RAD50: variants seen among roughly 807,000 people sequenced by gnomAD.
RAD50 encodes DNA repair protein RAD50.
In RAD50, 132 loss-of-function variants were observed where a neutral mutation model predicts 168.8. That is an observed-to-expected ratio of 0.78 (90% CI 0.68 to 0.90). The LOEUF (loss-of-function observed/expected upper bound fraction) is 0.90, where lower values mean the gene tolerates loss of function less well. Ranked by LOEUF, RAD50 falls within the 40% of genes least tolerant of loss-of-function variation. The probability of loss-of-function intolerance (pLI) is 0.00; values close to 1 mark genes in which losing one functional copy is unlikely to be tolerated. For missense variants in RAD50, 1,347 were observed against 1,534.4 expected, an observed-to-expected ratio of 0.88 and a Z score of 2.04; for synonymous variants, 525 against 497.4, an observed-to-expected ratio of 1.06 and a Z score of -0.74.
intron 21 of RAD50, 72 bp downstream of exon 21, chr5:132,618,366 AT>A (rs1751216739): frequency 6.4e-7 from 1 of 1,574,120 alleles, no homozygotes; most frequent in Non-Finnish European, 8.6e-7. Context: ...CTTTTCTCTC[AT>A]TTTTTTCTTT....
In RAD50 at chr5:132,591,940, T is replaced by C. The variant is rs1331004406; in HGVS notation, c.1699T>C (p.Leu567=). Residue 567 remains leucine (L), a synonymous_variant, in exon 11 of 25, where the codon TTG becomes CTG. Coordinates refer to ENST00000378823, the MANE Select transcript of RAD50 (RefSeq NM_005732.4). ...GCACAGTGATGAATTAACCTCACTG[T>C]TGGGATATTTTCCCAACAAAAAACA... ...SRHSDELTSL[L]GYFPNKKQLE... is the part of the protein sequence containing the mutation. 6.2e-7 allele frequency: 1 copy of C among 1,609,604 alleles called. No individual in the cohort carries two copies. The highest frequency in any genetic ancestry group is 8.5e-7 in the Non-Finnish European group (1 of 1,176,160).
intron 11 of RAD50, among the ~76,000 whole-genome samples, 155 bp from the exon 12 acceptor site, chr5:132,594,714 G>A (rs1750758199): frequency 6.6e-6 from 1 of 152,158 alleles, no homozygotes; most frequent in African/African-American, 2.4e-5. Context: ...TAAGGCAGAA[G>A]TGGACTAGTC....
At chr5:132,577,021 A>G (rs1310532784) in intron 3 of RAD50, among the ~76,000 whole-genome samples, 1 of 152,248 alleles carries the variant, frequency 6.6e-6, no homozygotes, top group Non-Finnish European at 1.5e-5. Context: ...ACTTAGTGCT[A>G]TAAACAATAC....
chr5:132,638,657 A>G (rs1751647376), intron 23 of RAD50, among the ~76,000 whole-genome samples: 1 of 152,236 alleles, frequency 6.6e-6, no homozygotes, highest in Admixed American at 6.5e-5. Flanking sequence ...AGCTTAAGCT[A>G]GAATGAATAT....
chr5:132,595,835 G>C (rs749038794), intron 13 of RAD50, 25 bp downstream of exon 13: 1 of 1,554,290 alleles, frequency 6.4e-7, no homozygotes. Context: ...TACCTTCACT[G>C]TACATGTAGC....
chr5:132,592,951 C>T (rs1750730632), intron 11 of RAD50: 1 of 464,580 alleles, frequency 2.2e-6, no homozygotes, highest in Non-Finnish European at 4.5e-6. Flanking sequence ...AATTGTGTAA[C>T]CTGAATCAAT....
intron 13 of RAD50, among the ~76,000 whole-genome samples, chr5:132,599,321 A>G (rs1750846223): frequency 6.6e-6 from 1 of 152,128 alleles, no homozygotes; most frequent in Non-Finnish European, 1.5e-5. Context: ...TGAGGAAACC[A>G]TTTTTATAAA....
At chr5:132,596,104 A>T (rs1750788160) in intron 13 of RAD50, among the ~76,000 whole-genome samples, 1 of 151,362 alleles carries the variant, frequency 6.6e-6, no homozygotes, top group Non-Finnish European at 1.5e-5. Context: ...AGCGATTCCC[A>T]TGCCTCAGCC....
chr5:132,568,479 TA>T (rs539231376), intron 2 of RAD50, among the ~76,000 whole-genome samples: 1 of 151,814 alleles, frequency 6.6e-6, no homozygotes, highest in Non-Finnish European at 1.5e-5. Context: ...ATAAAAACTA[TA>T]AAAAAAGACC....
At chr5:132,567,455 T>C (rs561795458) in intron 2 of RAD50, among the ~76,000 whole-genome samples, 1 of 152,178 alleles carries the variant, frequency 6.6e-6, no homozygotes, top group Non-Finnish European at 1.5e-5. Context: ...CTGGGCAGAA[T>C]TGGGCATCAC....
rs758365439 is a variant in RAD50 at position 132,588,134 on chromosome 5, A to AT, written c.1051+46dup. The AT allele has an allele frequency of 2.6e-6, 4 of 1,562,760 alleles. No individual in the cohort carries two copies. In the African/African-American group the frequency reaches 5.4e-5, roughly 21 times the overall value. On this transcript the variant is annotated intron_variant, in intron 7 of 24. Coordinates refer to ENST00000378823, the MANE Select transcript of RAD50 (RefSeq NM_005732.4). ...TGGTCGTTTTTCCTACTATGATGTT[A>AT]TACATTTTCTGTATGAATGAAGAAT...
At chr5:132,615,506 A>G (rs902687418) in intron 19 of RAD50, among the ~76,000 whole-genome samples, 2 of 152,118 alleles carry the variant, frequency 1.3e-5, no homozygotes, top group Non-Finnish European at 2.9e-5. Flanking sequence ...AGGACGAAAA[A>G]GTTGGGGAAG....
At chr5:132,597,096 G>A (rs964981486) in intron 13 of RAD50, among the ~76,000 whole-genome samples, 1 of 152,172 alleles carries the variant, frequency 6.6e-6, no homozygotes, top group African/African-American at 2.4e-5. Context: ...AGTGAAAGAT[G>A]TATTTTAGGA....
rs1750646869 is a variant in RAD50, at chr5:132,588,872, CAACT to C, written c.1238_1241del (p.Gln413ArgfsTer2). 1 of 1,608,582 alleles carries C rather than the reference CAACT, an allele frequency of 6.2e-7. No individual in the cohort carries two copies. On this transcript the variant is annotated frameshift_variant, in exon 8 of 25. Transcript: ENST00000378823. LOFTEE classifies it high-confidence loss of function. ...AGAAGGGGAAGCAAAAACTGCCAAC[CAACT>C]GATGGCAAGTATTTTGAAATACAGT...
intron 22 of RAD50, among the ~76,000 whole-genome samples, chr5:132,637,780 C>CA (rs757254165): frequency 6.6e-6 from 1 of 152,136 alleles, no homozygotes; most frequent in East Asian, 1.9e-4. Flanking sequence ...GTGATCTGCC[C>CA]ACCTTGGCCT....
intron 21 of RAD50, among the ~76,000 whole-genome samples, chr5:132,619,841 T>TATATATAAAGATATATATATATAAAG (rs1561651672): frequency 1.6e-5 from 2 of 127,346 alleles, no homozygotes; most frequent in African/African-American, 5.9e-5. Context: ...TCTCTCTATA[T>TATATATAAAGATATATATATATAAAG]ATATATATAT....
rs1561651760 is a variant in RAD50 at position 132,619,875 on chromosome 5, T to TATATATATAAAG, written c.3389+1590_3389+1591insAAGATATATATA. 2.9e-5 allele frequency among the ~76,000 whole-genome samples: 3 copies of TATATATATAAAG among 103,996 alleles called. No individual in the cohort carries two copies. The East Asian group carries it at 8.3e-4, about 29-fold the overall frequency. The allele number at this position is 103,996 out of a possible 152,430, so 68.2% of individuals were successfully genotyped here. ...ATAAAGATATATATATATAAAGATATATATATATATAGAGAGAGAGAGAGA... is the reference window on the plus strand; with the variant it reads ...ATAAAGATATATATATATAAAGATATATATATATAAAGATATATATATAGAGAGAGAGAGAGA... On this transcript the variant is annotated intron_variant, in intron 21 of 24. Transcript: ENST00000378823.
chr5:132,585,074 T>C (rs760183061), intron 5 of RAD50, among the ~76,000 whole-genome samples: 3 of 152,190 alleles, frequency 2.0e-5, no homozygotes, highest in Non-Finnish European at 2.9e-5. Context: ...GTTGTGCACA[T>C]GTACCCTCGA....
In RAD50 at chr5:132,566,198, G is replaced by A. The variant is rs544898829; in HGVS notation, c.213+6831G>A. Among the ~76,000 whole-genome samples the A allele has an allele frequency of 1.7e-3, 261 of 152,294 alleles. 2 individuals are homozygous for A. The highest frequency in any genetic ancestry group is 6.2e-3 in the African/African-American group (256 of 41,558). On this transcript the variant is annotated intron_variant, in intron 2 of 24. Coordinates refer to ENST00000378823, the MANE Select transcript of RAD50 (RefSeq NM_005732.4). ...ATAAGAGTGTCAACAACAATGTAGT[G>A]ATAGAAATGCTACAAGATAGCCCTT...
Sources: gnomAD v4.1 joint callset for allele counts (sites outside exome capture counted in the v4.1 genomes callset) on GRCh38, gnomAD v4.1.1 for gene constraint, MANE v1.5 for transcripts, NCBI Gene and HGNC (gene_info 2026-07-23, HGNC 2026-07-21) for gene names.